MAP10: variants seen among roughly 807,000 people sequenced by gnomAD.
MAP10 encodes microtubule associated protein 10, also known as microtubule-associated protein 10.
A neutral mutation model predicts 6.3 loss-of-function variants in MAP10; 10 were observed. The ratio of observed to expected loss-of-function variants is 1.58; its 90% CI spans 0.98 to 2.69. The LOEUF (loss-of-function observed/expected upper bound fraction) is 2.69, where lower values mean the gene tolerates loss of function less well. MAP10 is among the 30% of genes most tolerant of loss of function. MAP10 has a pLI of 0.00. For synonymous variants in MAP10, 459 were observed against 429.3 expected (o/e 1.07, Z -0.86); for missense variants, 1,189 against 1,086.5 (o/e 1.09, Z -1.33).
chr1:232,807,139 GA>G, the MAP10 span: 80 of 1,612,206 alleles, frequency 5.0e-5, no homozygotes, highest in East Asian at 1.7e-3. Flanking sequence ...TAAGTATTTA[GA>G]TTCAGATGCA....
Position 232,806,301 on chromosome 1 carries a change from C to T in MAP10, c.852C>T (p.Ser284=), listed in dbSNP as rs1571896351. The T allele has an allele frequency of 5.6e-6, 9 of 1,613,792 alleles. No homozygotes were observed. Among genetic ancestry groups the T allele is most frequent in the Non-Finnish European group, 7.6e-6 (9 of 1,179,902 alleles). The part of the protein sequence containing the change: ...SGAGNGRNVS[S]LNEEVTELDM... Reference sequence around the variant, plus strand: ...CTGGCAATGGGAGAAATGTTAGCTCCCTAAATGAGGAAGTCACAGAATTGG... The same window carrying T: ...CTGGCAATGGGAGAAATGTTAGCTCTCTAAATGAGGAAGTCACAGAATTGG... The change falls in exon 1 of 1, where the codon TCC becomes TCT. Residue 284 remains serine (S), a synonymous_variant. Coordinates refer to ENST00000418460, the MANE Select transcript of MAP10 (RefSeq NM_019090.3).
Position 232,806,167 on chromosome 1 carries a change from C to A in MAP10, c.718C>A (p.Pro240Thr), listed in dbSNP as rs758138382. The change falls in exon 1 of 1, where the codon CCA (proline) becomes ACA (threonine). Residue 240 changes from proline to threonine, a missense_variant. Pro to Thr is a conservative substitution (Grantham distance 38). Transcript: ENST00000418460. ...TAAGCCGCTGGGGGAGTTAGAAATC[C>A]CAGAGGCACAGAAGGATTTGAAGGA... ...ADKPLGELEI[P>T]EAQKDLKEMV... 2 of 1,613,962 alleles carry A rather than the reference C, an allele frequency of 1.2e-6. No homozygotes were observed. The highest frequency in any genetic ancestry group is 1.1e-5 in the South Asian group (1 of 91,078).
Position 232,807,630 on chromosome 1 carries a change from TAGC to T in MAP10, c.2184_2186del (p.Ser730del). On this transcript the variant is annotated inframe_deletion, in exon 1 of 1. Coordinates refer to ENST00000418460, the MANE Select transcript of MAP10 (RefSeq NM_019090.3). ...CCAGCAGAAGTTTCAAAGCTCATGA[TAGC>T]AGTTCAAGGACAGAAAATCCAAAAC... 1.9e-6 allele frequency: 3 copies of T among 1,610,362 alleles called. No homozygotes were observed. The highest frequency in any genetic ancestry group is 2.5e-6 in the Non-Finnish European group (3 of 1,178,044).
Position 232,805,440 on chromosome 1 carries a change from G to A in MAP10, c.-10G>A. 2 of 1,611,904 alleles carry A rather than the reference G, an allele frequency of 1.2e-6. No individual in the cohort carries two copies. Among genetic ancestry groups the A allele is most frequent in the Non-Finnish European group, 1.7e-6 (2 of 1,179,202 alleles). Reference sequence around the variant, plus strand: ...CGGAGCCCGCGGCGGCGTTTCCTGGGGCAACAGCAATGGCGGCCTCGCTGT... The same window carrying A: ...CGGAGCCCGCGGCGGCGTTTCCTGGAGCAACAGCAATGGCGGCCTCGCTGT... On this transcript the variant is annotated 5_prime_UTR_variant, in exon 1 of 1. Transcript: ENST00000418460.
At position 232,805,760 on chromosome 1, in the gene MAP10, T is replaced by C; in HGVS notation, c.311T>C (p.Leu104Pro). The change falls in exon 1 of 1, where the codon CTG becomes CCG. Residue 104 changes from leucine (L) to proline (P), a missense_variant. By Grantham distance (98) the Leu-to-Pro change is moderately conservative. Transcript: ENST00000418460. ...CTCTTCCGCCTGCAGCCTGCTACCC[T>C]GCACTGCCGGCTCCTGCGGACCCCG... is the stretch of plus-strand genomic sequence containing the variant. ...SCLFRLQPAT[L>P]HCRLLRTPLA... The C allele has an allele frequency of 2.5e-6, 4 of 1,602,580 alleles. No homozygotes were observed. Among genetic ancestry groups the C allele is most frequent in the Non-Finnish European group, 2.6e-6 (3 of 1,176,458 alleles).
rs1298881462 is a variant in MAP10 at position 232,809,049 on chromosome 1, G to C, written c.*882G>C. 1.3e-5 allele frequency among the ~76,000 whole-genome samples: 2 copies of C among 152,046 alleles called. No individual in the cohort carries two copies. The highest frequency in any genetic ancestry group is 2.9e-5 in the Non-Finnish European group (2 of 67,926). On this transcript the variant is annotated 3_prime_UTR_variant, in exon 1 of 1. Transcript: ENST00000418460. ...CTTCAGGTGTTCTCTGAAATATTTGGAAAGGGAAACTTAAGAAGGTATCTT... is the reference window on the plus strand; with the variant it reads ...CTTCAGGTGTTCTCTGAAATATTTGCAAAGGGAAACTTAAGAAGGTATCTT...
Position 232,805,865 on chromosome 1 carries a change from T to G in MAP10, c.416T>G (p.Leu139Arg), listed in dbSNP as rs747677964. ...PQLLGACDIS[L>R]ATAAHRVVGP... is the part of the protein sequence containing the mutation. ...CTCCTGGGGGCCTGCGACATTTCGC[T>G]GGCCACCGCAGCGCACAGGGTCGTG... Residue 139 changes from leucine to arginine, a missense_variant, in exon 1 of 1, where the codon CTG becomes CGG. Leu to Arg is a moderately radical substitution (Grantham distance 102). Coordinates refer to ENST00000418460, the MANE Select transcript of MAP10 (RefSeq NM_019090.3). 1 of 1,590,994 alleles carries G rather than the reference T, an allele frequency of 6.3e-7. No homozygotes were observed. Among genetic ancestry groups the G allele is most frequent in the Non-Finnish European group, 8.6e-7 (1 of 1,167,976 alleles).
In MAP10 at chr1:232,807,931, G is replaced by A; in HGVS notation, c.2482G>A (p.Asp828Asn). The A allele has an allele frequency of 6.2e-7, 1 of 1,613,142 alleles. No individual in the cohort carries two copies. Residue 828 changes from aspartate (D) to asparagine (N), a missense_variant, in exon 1 of 1, where the codon GAC becomes AAC. Asp to Asn is a conservative substitution (Grantham distance 23). Coordinates refer to ENST00000418460, the MANE Select transcript of MAP10 (RefSeq NM_019090.3). ...TTCTGAAATTACAAAGAGAGCTCAA[G>A]ACATCTCTGTTAAAACAAGAAGTAG... Reference protein sequence around the residue: ...HNSEITKRAQDISVKTRSSWK... With the variant: ...HNSEITKRAQNISVKTRSSWK...
At chr1:232,807,023 GAA>G in the MAP10 span, 1 of 1,613,064 alleles carries the variant, frequency 6.2e-7, no homozygotes. Flanking sequence ...GAACTATATA[GAA>G]AAAGACAATC....
In MAP10 at chr1:232,807,494, G is replaced by A; in HGVS notation, c.2045G>A (p.Ser682Asn). The A allele has an allele frequency of 1.2e-6, 2 of 1,613,794 alleles. No individual in the cohort carries two copies. Among genetic ancestry groups the A allele is most frequent in the Middle Eastern group, 1.7e-4 (1 of 6,060 alleles). ...AATGACATTCTTATGGCTGATATAA[G>A]TGACAAGAGAACAGGTAAAAATAGT... The part of the protein sequence containing the change: ...TDNDILMADI[S>N]DKRTGKNSCY... Residue 682 changes from serine to asparagine, a missense_variant, in exon 1 of 1, where the codon AGT (serine) becomes AAT (asparagine). Coordinates refer to ENST00000418460, the MANE Select transcript of MAP10 (RefSeq NM_019090.3).
Position 232,806,599 on chromosome 1 carries a change from A to G in MAP10, c.1150A>G (p.Thr384Ala). The change falls in exon 1 of 1, where the codon ACT becomes GCT. Residue 384 changes from threonine to alanine, a missense_variant. Transcript: ENST00000418460. ...AGGAGCAACTAATCAAACATGTCAA[A>G]CTGAACAAAATCGAATTAATACAAT... is the stretch of plus-strand genomic sequence containing the variant. ...NIGATNQTCQ[T>A]EQNRINTIRQ... 6.2e-7 allele frequency: 1 copy of G among 1,613,926 alleles called. No homozygotes were observed. Among genetic ancestry groups the G allele is most frequent in the Non-Finnish European group, 8.5e-7 (1 of 1,179,850 alleles).
rs1396054196 is a variant in MAP10 at position 232,809,217 on chromosome 1, C to G, written c.*1050C>G. ...ATTGGTTTTATATTTAGACTTTATT[C>G]TGTGTTCAAATATTTACATATATTT... On this transcript the variant is annotated 3_prime_UTR_variant, in exon 1 of 1. Coordinates refer to ENST00000418460, the MANE Select transcript of MAP10 (RefSeq NM_019090.3). Among the ~76,000 whole-genome samples, 2 of 151,844 alleles carry G rather than the reference C, an allele frequency of 1.3e-5. No homozygotes were observed. The highest frequency in any genetic ancestry group is 6.6e-5 in the Admixed American group (1 of 15,260).
In MAP10 at chr1:232,808,163, T is replaced by C. The variant is rs1284788242; in HGVS notation, c.2714T>C (p.Met905Thr). Residue 905 changes from methionine (M) to threonine (T), a missense_variant, in exon 1 of 1, where the codon ATG becomes ACG. By Grantham distance (81) the Met-to-Thr change is moderately conservative (BLOSUM62 -1). Coordinates refer to ENST00000418460, the MANE Select transcript of MAP10 (RefSeq NM_019090.3). ...LVINKLPGYT[M>T] Reference sequence around the variant, plus strand: ...ATAAATAAACTTCCAGGATACACAATGTAAAAATACATGCTTTTAAAAAAC... The same window carrying C: ...ATAAATAAACTTCCAGGATACACAACGTAAAAATACATGCTTTTAAAAAAC... 6.5e-7 allele frequency: 1 copy of C among 1,546,318 alleles called. No homozygotes were observed. Among genetic ancestry groups the C allele is most frequent in the Non-Finnish European group, 8.7e-7 (1 of 1,143,322 alleles).
chr1:232,808,023 T>C lies in MAP10; in HGVS notation c.2574T>C (p.Asn858=), dbSNP rs1201868590. ...TSQVSSYLPS[N]VSELNVLDSS... Reference sequence around the variant, plus strand: ...AGGTGAGTTCTTACCTGCCTTCAAATGTGTCCGAACTTAATGTCCTGGATA... The same window carrying C: ...AGGTGAGTTCTTACCTGCCTTCAAACGTGTCCGAACTTAATGTCCTGGATA... Residue 858 remains asparagine, a synonymous_variant, in exon 1 of 1, where the codon AAT becomes AAC. Transcript: ENST00000418460. The C allele has an allele frequency of 3.1e-6, 5 of 1,613,420 alleles. No individual in the cohort carries two copies. Among genetic ancestry groups the C allele is most frequent in the Non-Finnish European group, 4.2e-6 (5 of 1,179,546 alleles).
Position 232,806,636 on chromosome 1 carries a change from C to T in MAP10, c.1187C>T (p.Pro396Leu). The change falls in exon 1 of 1, where the codon CCT becomes CTT. Residue 396 changes from proline to leucine, a missense_variant. Physicochemically the swap from Pro to Leu is moderately conservative, Grantham distance 98. Transcript: ENST00000418460. Reference sequence around the variant, plus strand: ...CGAATTAATACAATAAGGCAGTTGCCTTTGTTAAATGCTTTGTTAGTTGAG... The same window carrying T: ...CGAATTAATACAATAAGGCAGTTGCTTTTGTTAAATGCTTTGTTAGTTGAG... ...QNRINTIRQLPLLNALLVELS... is the reference protein window; with the variant it reads ...QNRINTIRQLLLLNALLVELS... 6.2e-7 allele frequency: 1 copy of T among 1,613,920 alleles called. No homozygotes were observed. Among genetic ancestry groups the T allele is most frequent in the Non-Finnish European group, 8.5e-7 (1 of 1,179,882 alleles).
In MAP10 at chr1:232,807,117, A is replaced by G. The variant is rs373810116; in HGVS notation, c.1668A>G (p.Gln556=). The G allele has an allele frequency of 1.7e-5, 27 of 1,612,036 alleles. No homozygotes were observed. In the African/African-American group the frequency reaches 2.9e-4, roughly 18 times the overall value. Residue 556 remains glutamine, a synonymous_variant, in exon 1 of 1, where the codon CAA becomes CAG. Coordinates refer to ENST00000418460, the MANE Select transcript of MAP10 (RefSeq NM_019090.3). ...LSSAEQSQKP[Q]LPEDKYLDSD... ...CTGCAGAACAAAGTCAGAAGCCACA[A>G]CTGCCTGAAGATAAGTATTTAGATT...
rs199764419 is a variant in MAP10, at chr1:232,807,812, T to C, written c.2363T>C (p.Leu788Ser). The change falls in exon 1 of 1, where the codon TTG becomes TCG. Residue 788 changes from leucine (L) to serine (S), a missense_variant. Physicochemically the swap from Leu to Ser is moderately radical, Grantham distance 145. Transcript: ENST00000418460. Reference protein sequence around the residue: ...FHISKTQDKSLEEASSISASD... With the variant: ...FHISKTQDKSSEEASSISASD... ...ATTTCAAAGACTCAGGATAAAAGTT[T>C]GGAGGAAGCATCTAGTATCTCTGCT... 4 of 1,613,432 alleles carry C rather than the reference T, an allele frequency of 2.5e-6. No individual in the cohort carries two copies. The East Asian group carries it at 6.7e-5, about 27-fold the overall frequency.
In MAP10 at chr1:232,807,641, G is replaced by C. The variant is rs376631143; in HGVS notation, c.2192G>C (p.Arg731Thr). The C allele has an allele frequency of 2.0e-5, 32 of 1,610,298 alleles. No homozygotes were observed. Among genetic ancestry groups the C allele is most frequent in the African/African-American group, 2.7e-5 (2 of 74,838 alleles). Residue 731 changes from arginine to threonine, a missense_variant, in exon 1 of 1, where the codon AGG (arginine) becomes ACG (threonine). By Grantham distance (71) the Arg-to-Thr change is moderately conservative. Coordinates refer to ENST00000418460, the MANE Select transcript of MAP10 (RefSeq NM_019090.3). ...RSFKAHDSSS[R>T]TENPKHSQYT... ...TTCAAAGCTCATGATAGCAGTTCAA[G>C]GACAGAAAATCCAAAACATAGTCAA... is the stretch of plus-strand genomic sequence containing the variant.
In MAP10 at chr1:232,805,988, G is replaced by A. The variant is rs765529081; in HGVS notation, c.539G>A (p.Arg180His). The A allele has an allele frequency of 1.9e-6, 3 of 1,613,488 alleles. No homozygotes were observed. The highest frequency in any genetic ancestry group is 2.2e-5 in the South Asian group (2 of 91,064). The stretch of plus-strand genomic sequence containing the variant: ...ACTGGGGACATTGCACTGGCCTACC[G>A]CCTGACTGACCTGGGAAGCCGCCTG... ...ERTGDIALAY[R>H]LTDLGSRLLS... is the part of the protein sequence containing the mutation. Residue 180 changes from arginine to histidine, a missense_variant, in exon 1 of 1, where the codon CGC becomes CAC. By Grantham distance (29) the Arg-to-His change is conservative (BLOSUM62 0). Coordinates refer to ENST00000418460, the MANE Select transcript of MAP10 (RefSeq NM_019090.3).
Sources: gnomAD v4.1 joint callset for allele counts (sites outside exome capture counted in the v4.1 genomes callset) on GRCh38, gnomAD v4.1.1 for gene constraint, MANE v1.5 for transcripts, NCBI Gene and HGNC (gene_info 2026-07-23, HGNC 2026-07-21) for gene names.